The following PCDHGA4 variants were observed in gnomAD, a reference collection of about 807,000 sequenced individuals.
The protein encoded by PCDHGA4 is protocadherin gamma subfamily A, 4, also known as protocadherin gamma-A4.
Under a neutral mutation model 54.6 loss-of-function variants are expected in PCDHGA4, and 38 were observed. The ratio of observed to expected loss-of-function variants is 0.70; its 90% confidence interval spans 0.54 to 0.91. The LOEUF (loss-of-function observed/expected upper bound fraction) is 0.91. Ranked by LOEUF, PCDHGA4 falls within the 40% of genes least tolerant of loss-of-function variation. PCDHGA4 has a pLI of 0.00. For missense variants in PCDHGA4, 1,298 were observed against 1,220.9 expected, an observed-to-expected ratio of 1.06 and a Z score of -0.94; for synonymous variants, 511 against 512.9, an observed-to-expected ratio of 1.00 and a Z score of 0.05.
At chr5:141,399,037 G>A (rs756325508) in intron 1 of PCDHGA4, 2 of 1,613,856 alleles carry the variant, frequency 1.2e-6, no homozygotes, top group African/African-American at 2.7e-5. Context: ...AAAGAAACTG[G>A]ATTTTGAAGA....
rs769145045 is a variant in PCDHGA4, at chr5:141,355,461, G to A, written c.354G>A (p.Ala118=). 1.9e-6 allele frequency: 3 copies of A among 1,613,950 alleles called. No homozygotes were observed. The highest frequency in any genetic ancestry group is 2.2e-5 in the East Asian group (1 of 44,902). Residue 118 remains alanine (A), a synonymous_variant, in exon 1 of 4, where the codon GCG becomes GCA. Coordinates refer to ENST00000571252, the MANE Select transcript of PCDHGA4 (RefSeq NM_018917.4). ...LNPRSGTLVT[A]GRIDREELCD... is the part of the protein sequence containing the mutation. ...CGCGCAGCGGCACCTTGGTCACCGC[G>A]GGTAGGATAGACAGGGAGGAGCTCT...
At chr5:141,365,161 G>C in intron 1 of PCDHGA4, 1 of 1,613,928 alleles carries the variant, frequency 6.2e-7, no homozygotes, top group Admixed American at 1.7e-5. Context: ...ACGGGAAATT[G>C]ACCTACTCTT....
chr5:141,422,479 A>G, intron 1 of PCDHGA4: 1 of 1,613,890 alleles, frequency 6.2e-7, no homozygotes, highest in Non-Finnish European at 8.5e-7. Flanking sequence ...GTTGGTCCAG[A>G]GCTACAATAT....
chr5:141,364,883 G>A (rs2149867469), intron 1 of PCDHGA4: 1 of 1,613,946 alleles, frequency 6.2e-7, no homozygotes, highest in East Asian at 2.2e-5. Context: ...TGTGGTAAGC[G>A]GAACTGATGG....
At position 141,486,367 on chromosome 5, in the gene PCDHGA4, G is replaced by A; in HGVS notation, c.2515-8440G>A. On this transcript the variant is annotated intron_variant, in intron 1 of 3. Coordinates refer to ENST00000571252, the MANE Select transcript of PCDHGA4 (RefSeq NM_018917.4). This position sits in a 1 kb window ranked among gnomAD's most constrained non-coding sequence, Gnocchi z 5.0. Reference sequence around the variant, plus strand: ...CTGACCACTTGCCATTTGCCCTCAAGTCTGCCTTCAGGAACCAGTTCTCCC... The same window carrying A: ...CTGACCACTTGCCATTTGCCCTCAAATCTGCCTTCAGGAACCAGTTCTCCC... 1 of 1,614,148 alleles carries A rather than the reference G, an allele frequency of 6.2e-7. No individual in the cohort carries two copies. Among genetic ancestry groups the A allele is most frequent in the Non-Finnish European group, 8.5e-7 (1 of 1,180,022 alleles).
chr5:141,426,630 T>C, intron 1 of PCDHGA4: 1 of 398,080 alleles, frequency 2.5e-6, no homozygotes, highest in South Asian at 1.8e-5. Context: ...TCTAAATGTT[T>C]TTCACATAAA....
In PCDHGA4 at chr5:141,486,585, GGGA is replaced by G; in HGVS notation, c.2515-8221_2515-8219del. The G allele has an allele frequency of 6.2e-7, 1 of 1,613,708 alleles. No individual in the cohort carries two copies. Among genetic ancestry groups the G allele is most frequent in the Non-Finnish European group, 8.5e-7 (1 of 1,180,024 alleles). On this transcript the variant is annotated intron_variant, in intron 1 of 3. Transcript: ENST00000571252. This position sits in a 1 kb window ranked among gnomAD's most constrained non-coding sequence, Gnocchi z 5.0. ...TTTGTTCCTGAGAACAATCGCCCAG[GGGA>G]CCTGCTTTGCTCCCTTGCAGCCTCT...
At chr5:141,392,816 G>C (rs1442012424) in intron 1 of PCDHGA4, 3 of 1,587,594 alleles carry the variant, frequency 1.9e-6, no homozygotes, top group Admixed American at 3.6e-5. Context: ...AAACAACAAT[G>C]GCCGCTCCAC....
rs1421124374 is a variant in PCDHGA4, at chr5:141,431,186, A to G, written c.2515-63621A>G. The G allele has an allele frequency of 1.9e-6, 3 of 1,614,110 alleles. No individual in the cohort carries two copies. ...TGAAAGTGAATTAGAAATAAAAATT[A>G]GTGAAAATGCAGCCACTGAGATGCG... On this transcript the variant is annotated intron_variant, in intron 1 of 3. Transcript: ENST00000571252. This position sits in a 1 kb window ranked among gnomAD's most constrained non-coding sequence, Gnocchi z 4.8.
At chr5:141,453,490 G>T (rs921556476) in intron 1 of PCDHGA4, among the ~76,000 whole-genome samples, 3 of 151,922 alleles carry the variant, frequency 2.0e-5, no homozygotes, top group African/African-American at 7.3e-5. Context: ...TTAAAAAAAG[G>T]TGTACTCAGA....
intron 1 of PCDHGA4, chr5:141,385,543 C>G (rs1284826303): frequency 7.6e-7 from 1 of 1,322,422 alleles, no homozygotes; most frequent in Non-Finnish European, 9.7e-7. Context: ...AATATGTGGA[C>G]TATCACATTT....
intron 1 of PCDHGA4, chr5:141,404,648 G>A (rs1178706213): frequency 6.2e-7 from 1 of 1,614,030 alleles, no homozygotes; most frequent in Non-Finnish European, 8.5e-7. Context: ...CCTGTACCCT[G>A]CCCTCCCCAC....
At chr5:141,501,755 G>C (rs2099810889) in intron 2 of PCDHGA4, among the ~76,000 whole-genome samples, 1 of 152,116 alleles carries the variant, frequency 6.6e-6, no homozygotes, top group Non-Finnish European at 1.5e-5. Context: ...GAAGCTCTCA[G>C]TAAATGGTTA....
In PCDHGA4 at chr5:141,432,986, G is replaced by A. The variant is rs2097557714; in HGVS notation, c.2515-61821G>A. ...AGCGCCGGCGTCGCACTTTGTGGGC[G>A]TGGACGGGGTGCAGGCTTTCCTGCA... On this transcript the variant is annotated intron_variant, in intron 1 of 3. Transcript: ENST00000571252. This position sits in a 1 kb window ranked among gnomAD's most constrained non-coding sequence, Gnocchi z 6.0. 6 of 1,614,258 alleles carry A rather than the reference G, an allele frequency of 3.7e-6. No individual in the cohort carries two copies. In the Middle Eastern group the frequency reaches 4.9e-4, roughly 133 times the overall value.
Position 141,432,442 on chromosome 5 carries a change from G to A in PCDHGA4, c.2515-62365G>A. 1 of 1,614,228 alleles carries A rather than the reference G, an allele frequency of 6.2e-7. No individual in the cohort carries two copies. Among genetic ancestry groups the A allele is most frequent in the Non-Finnish European group, 8.5e-7 (1 of 1,180,042 alleles). On this transcript the variant is annotated intron_variant, in intron 1 of 3. Transcript: ENST00000571252. The surrounding 1 kb of genome is among the most constrained non-coding windows in gnomAD (Gnocchi z 6.0). ...TGGACCAGAACGACAATGCGCCCGA[G>A]ATCCTGTACCCCGCCCTCCCCACGG...
rs759220286 is a variant in PCDHGA4 at position 141,490,018 on chromosome 5, C to G, written c.2515-4789C>G. The G allele has an allele frequency of 6.2e-7, 1 of 1,614,252 alleles. No individual in the cohort carries two copies. Among genetic ancestry groups the G allele is most frequent in the Non-Finnish European group, 8.5e-7 (1 of 1,180,038 alleles). ...CCCAGAGAATGCACCCATTGGTACTCTGCTGCTCCGCCTCAATGCCACTGA... is the reference window on the plus strand; with the variant it reads ...CCCAGAGAATGCACCCATTGGTACTGTGCTGCTCCGCCTCAATGCCACTGA... On this transcript the variant is annotated intron_variant, in intron 1 of 3. Transcript: ENST00000571252. This position sits in a 1 kb window ranked among gnomAD's most constrained non-coding sequence, Gnocchi z 5.4.
intron 1 of PCDHGA4, among the ~76,000 whole-genome samples, chr5:141,438,564 T>A (rs1192918137): frequency 1.5e-5 from 2 of 137,114 alleles, no homozygotes; most frequent in Non-Finnish European, 3.1e-5. Flanking sequence ...AAGAGGCAGC[T>A]GTCTGATATA....
In PCDHGA4 at chr5:141,364,448, G is replaced by C. The variant is rs1458012071; in HGVS notation, c.2514+6827G>C. On this transcript the variant is annotated intron_variant, in intron 1 of 3. Coordinates refer to ENST00000571252, the MANE Select transcript of PCDHGA4 (RefSeq NM_018917.4). ...CCGCTACTCGATGCCGGAGGAGCTGGACAAAGGCTCCTTCGTCGGCAACAT... is the reference window on the plus strand; with the variant it reads ...CCGCTACTCGATGCCGGAGGAGCTGCACAAAGGCTCCTTCGTCGGCAACAT... The C allele has an allele frequency of 3.7e-6, 6 of 1,613,860 alleles. No individual in the cohort carries two copies. The Admixed American group carries it at 8.3e-5, about 22-fold the overall frequency.
intron 1 of PCDHGA4, among the ~76,000 whole-genome samples, chr5:141,438,339 AGGATC>A (rs1013025873): frequency 1.6e-4 from 25 of 151,944 alleles, no homozygotes; most frequent in Non-Finnish European, 1.9e-4. Flanking sequence ...ATGTCATATA[AGGATC>A]TACTCTGTGT....
Sources: gnomAD v4.1 joint callset for allele counts (sites outside exome capture counted in the v4.1 genomes callset) on GRCh38, gnomAD v4.1.1 for gene constraint, Gnocchi (gnomAD v3.1) non-coding constraint, MANE v1.5 for transcripts, NCBI Gene and HGNC (gene_info 2026-07-23, HGNC 2026-07-21) for gene names.